The following QRICH1 variants were observed in gnomAD, a reference collection of about 807,000 sequenced individuals.
QRICH1 encodes glutamine rich 1, also known as transcriptional regulator QRICH1.
QRICH1 carries 16 observed loss-of-function variants against 87.1 expected under a neutral mutation model. The observed-to-expected ratio is 0.18, with a 90% CI of 0.12 to 0.28. QRICH1 has a LOEUF of 0.28. QRICH1 is among the 10% of genes least tolerant of loss of function. QRICH1 has a pLI of 1.00. For missense variants in QRICH1, 647 were observed against 951.7 expected, an observed-to-expected ratio of 0.68 and a Z score of 4.21; for synonymous variants, 367 against 368.4, an observed-to-expected ratio of 1.00 and a Z score of 0.05.
In QRICH1 at chr3:49,046,540, G is replaced by C; in HGVS notation, c.1556C>G (p.Ser519Cys). ...CCCATAATTCAACTCTGCCACAGCA[G>C]AGGAGATGAGATCTTCCTGGAATCG... ...LLRFQEDLIS[S>C]AVAELNYGLC... Residue 519 changes from serine to cysteine, a missense_variant, in exon 5 of 10, where the codon TCT (serine) becomes TGT (cysteine). Around this residue, in one of 7 missense-constraint regions of QRICH1, gnomAD observed 187 missense variants for 309.5 expected, o/e 0.60. Coordinates refer to ENST00000395443, the MANE Select transcript of QRICH1 (RefSeq NM_198880.3). The C allele has an allele frequency of 6.2e-7, 1 of 1,613,392 alleles. No homozygotes were observed. The highest frequency in any genetic ancestry group is 8.5e-7 in the Non-Finnish European group (1 of 1,179,852).
chr3:49,030,641 G>T lies in QRICH1; in HGVS notation c.2142C>A (p.Pro714=). ...KLYDFYLFKC[P]QSVKGRNDTF... ...TGTCATTCCGGCCTTTCACACTCTG[G>T]GGGCTGAAGAATATGCGGATAAAAG... The change falls in exon 10 of 10, where the codon CCC becomes CCA. Residue 714 remains proline, a synonymous_variant. Transcript: ENST00000395443. 3 of 1,564,090 alleles carry T rather than the reference G, an allele frequency of 1.9e-6. No homozygotes were observed. The highest frequency in any genetic ancestry group is 2.8e-5 in the African/African-American group (2 of 72,650).
chr3:49,045,625 G>A (rs940942329), intron 5 of QRICH1, among the ~76,000 whole-genome samples: 2 of 151,124 alleles, frequency 1.3e-5, no homozygotes, highest in African/African-American at 4.9e-5. Flanking sequence ...TTTCAGACAG[G>A]GTCTCACTCT....
chr3:49,043,777 G>A (rs1002276484), intron 6 of QRICH1, among the ~76,000 whole-genome samples: 1 of 152,158 alleles, frequency 6.6e-6, no homozygotes, highest in African/African-American at 2.4e-5. Flanking sequence ...AGGCTGCAGT[G>A]AGCCAAGATC....
chr3:49,069,800 G>A (rs2093490430), intron 2 of QRICH1, among the ~76,000 whole-genome samples: 1 of 151,912 alleles, frequency 6.6e-6, no homozygotes, highest in Non-Finnish European at 1.5e-5. Context: ...ACTCAAAAGA[G>A]CAGTAACAAT....
intron 3 of QRICH1, among the ~76,000 whole-genome samples, chr3:49,049,682 G>C (rs2093358920): frequency 6.6e-6 from 1 of 151,476 alleles, no homozygotes; most frequent in Non-Finnish European, 1.5e-5. Flanking sequence ...ATTTTTAGTA[G>C]AGACGGGGTT....
chr3:49,038,317 T>C (rs996603841), intron 6 of QRICH1, among the ~76,000 whole-genome samples: 1 of 152,096 alleles, frequency 6.6e-6, no homozygotes, highest in Admixed American at 6.6e-5. Flanking sequence ...CGCTTCGGCC[T>C]CCCAAAGTGC....
In QRICH1 at chr3:49,030,381, G is replaced by T; in HGVS notation, c.*71C>A. On this transcript the variant is annotated 3_prime_UTR_variant, in exon 10 of 10. Transcript: ENST00000395443. ...AAAAAAAAGAAAAAAAAAAATGGAGGCCTCTTCTTTAGTGTGAAAGTCTGT... is the reference window on the plus strand; with the variant it reads ...AAAAAAAAGAAAAAAAAAAATGGAGTCCTCTTCTTTAGTGTGAAAGTCTGT... The T allele has an allele frequency of 1.4e-6, 2 of 1,397,804 alleles. No homozygotes were observed. Among genetic ancestry groups the T allele is most frequent in the Non-Finnish European group, 2.0e-6 (2 of 1,019,356 alleles). The allele number at this position is 1,397,804 out of a possible 1,614,324, so 86.6% of individuals were successfully genotyped here. A position where few individuals can be genotyped will look rare whatever the true frequency, so the allele number is the denominator to read the frequency against.
intron 1 of QRICH1, among the ~76,000 whole-genome samples, chr3:49,088,070 G>C (rs1391177390): frequency 6.7e-6 from 1 of 150,030 alleles, no homozygotes; most frequent in African/African-American, 2.5e-5. Flanking sequence ...TCCTGCCTCA[G>C]CCTCCCAAGT....
At chr3:49,080,451 G>A (rs939711495) in intron 1 of QRICH1, among the ~76,000 whole-genome samples, 3 of 151,796 alleles carry the variant, frequency 2.0e-5, no homozygotes, top group East Asian at 1.9e-4. Context: ...GCTTCCCAAC[G>A]GAGTAGATGG....
rs1333055891 is a variant in QRICH1, at chr3:49,076,823, G to A, written c.195C>T (p.Asp65=). ...GCAAAGACCCAGCCACTTCAGTGCT[G>A]TCTGTGTATATGCAGTTCCCACCCT... ...YQQGGNCIYT[D]STEVAGSLLE... is the part of the protein sequence containing the mutation. Residue 65 remains aspartate, a synonymous_variant, in exon 2 of 10, where the codon GAC becomes GAT. Transcript: ENST00000395443. The A allele has an allele frequency of 5.0e-6, 8 of 1,613,702 alleles. No homozygotes were observed. The highest frequency in any genetic ancestry group is 1.3e-5 in the African/African-American group (1 of 74,922).
Position 49,030,638 on chromosome 3 carries a change from C to T in QRICH1, c.2145G>A (p.Gln715=), listed in dbSNP as rs1559920360. ...AGGTGTCATTCCGGCCTTTCACACT[C>T]TGGGGGCTGAAGAATATGCGGATAA... ...LYDFYLFKCP[Q]SVKGRNDTFY... Residue 715 remains glutamine (Q), a synonymous_variant, in exon 10 of 10, where the codon CAG becomes CAA. Transcript: ENST00000395443. 1 of 1,570,046 alleles carries T rather than the reference C, an allele frequency of 6.4e-7. No individual in the cohort carries two copies. Among genetic ancestry groups the T allele is most frequent in the Non-Finnish European group, 8.6e-7 (1 of 1,156,830 alleles).
chr3:49,077,957 C>T (rs569747659), intron 1 of QRICH1, among the ~76,000 whole-genome samples: 2 of 152,158 alleles, frequency 1.3e-5, no homozygotes, highest in African/African-American at 4.8e-5. Context: ...TGCAGACGTA[C>T]AGTTAACTCT....
chr3:49,063,823 T>G (rs1317824461), intron 2 of QRICH1, among the ~76,000 whole-genome samples: 1 of 152,150 alleles, frequency 6.6e-6, no homozygotes, highest in East Asian at 1.9e-4. Flanking sequence ...CAAAAAATAT[T>G]GAAGACCCAA....
In QRICH1 at chr3:49,032,288, T is replaced by A; in HGVS notation, c.2048-15A>T. 1 of 1,584,176 alleles carries A rather than the reference T, an allele frequency of 6.3e-7. No individual in the cohort carries two copies. The highest frequency in any genetic ancestry group is 8.6e-7 in the Non-Finnish European group (1 of 1,159,692). On this transcript the variant is annotated splice_polypyrimidine_tract_variant and intron_variant, in intron 8 of 9. Coordinates refer to ENST00000395443, the MANE Select transcript of QRICH1 (RefSeq NM_198880.3). The stretch of plus-strand genomic sequence containing the variant: ...GTCATCTGTAACTATAAAACACACA[T>A]CCCCACCACCACAGACCTGGCATCA...
At chr3:49,058,036 A>G in intron 2 of QRICH1, 146 bp from the exon 3 acceptor site, 3 of 1,386,002 alleles carry the variant, frequency 2.2e-6, no homozygotes, top group Non-Finnish European at 2.9e-6. Context: ...GAAGGACACA[A>G]TACGTAAGAC....
intron 5 of QRICH1, 38 bp from the exon 6 acceptor site, chr3:49,044,542 T>C (rs777966603): frequency 1.6e-5 from 22 of 1,395,124 alleles, no homozygotes; most frequent in Non-Finnish European, 2.2e-5. Context: ...ATTGGTAGTC[T>C]CCTGAACAAG....
chr3:49,083,764 T>C (rs1161820354), intron 1 of QRICH1, among the ~76,000 whole-genome samples: 1 of 150,618 alleles, frequency 6.6e-6, no homozygotes, highest in African/African-American at 2.4e-5. Context: ...TGAGACTCCA[T>C]CTCAAAAAAA....
At chr3:49,037,224 A>AAGT (rs2093281124) in intron 6 of QRICH1, among the ~76,000 whole-genome samples, 1 of 152,192 alleles carries the variant, frequency 6.6e-6, no homozygotes, top group East Asian at 1.9e-4. Context: ...GCCAACTATG[A>AAGT]AGTAATCTTG....
chr3:49,044,357 G>A, intron 6 of QRICH1, 33 bp downstream of exon 6: 1 of 1,485,620 alleles, frequency 6.7e-7, no homozygotes, highest in Non-Finnish European at 9.3e-7. Context: ...AATCCAGGTA[G>A]GAAAGATATC....
Sources: allele counts gnomAD v4.1 joint callset (sites outside exome capture counted in the v4.1 genomes callset), GRCh38; gene constraint gnomAD v4.1.1; regional missense constraint gnomAD v4.1.1; transcripts MANE v1.5; gene names NCBI Gene and HGNC (gene_info 2026-07-23, HGNC 2026-07-21).